The following GPC3 variants were observed in gnomAD, a reference collection of about 807,000 sequenced individuals.
GPC3 encodes the protein glypican 3, also known as glypican-3.
Under a neutral mutation model 34.4 loss-of-function variants are expected in GPC3, and 3 were observed. That is an observed-to-expected ratio of 0.09 (90% CI 0.04 to 0.23). The LOEUF (loss-of-function observed/expected upper bound fraction) is 0.23. GPC3 is among the 10% of genes least tolerant of loss of function. The pLI, the probability that GPC3 is intolerant of heterozygous loss-of-function variation, is 1.00. For missense variants in GPC3, 351 were observed against 445.6 expected (o/e 0.79, Z 1.91); for synonymous variants, 177 against 174.0 (o/e 1.02, Z -0.13).
At chrX:133,913,053 CAAA>C (rs1288887225) in intron 2 of GPC3, among the ~76,000 whole-genome samples, 1 of 34,192 alleles carries the variant, frequency 2.9e-5, no homozygotes. Flanking sequence ...GACTCCGTCT[CAAA>C]AAAAAAAAAA....
intron 6 of GPC3, among the ~76,000 whole-genome samples, chrX:133,650,925 T>C (rs968087372): frequency 8.9e-6 from 1 of 111,755 alleles, no homozygotes; most frequent in Non-Finnish European, 1.9e-5. Flanking sequence ...TAAAGCCAAG[T>C]TACTACAAAA....
chrX:133,896,404 T>C (rs1569451654), intron 2 of GPC3, among the ~76,000 whole-genome samples: 5 of 110,559 alleles, frequency 4.5e-5, no homozygotes. Flanking sequence ...AAACATCCAT[T>C]GTAGGTGGCA....
At chrX:133,852,713 C>G (rs1359084461) in intron 2 of GPC3, among the ~76,000 whole-genome samples, 1 of 111,141 alleles carries the variant, frequency 9.0e-6, no homozygotes, top group East Asian at 2.8e-4. Flanking sequence ...AGGCTTCCAA[C>G]AGCAGCACAC....
intron 4 of GPC3, among the ~76,000 whole-genome samples, chrX:133,695,760 A>G (rs1489301151): frequency 1.8e-5 from 2 of 112,611 alleles, no homozygotes; most frequent in Non-Finnish European, 3.8e-5. Context: ...TGGAGAATTT[A>G]GAAAATAAAG....
intron 2 of GPC3, among the ~76,000 whole-genome samples, chrX:133,900,883 C>G (rs2076141233): frequency 9.0e-6 from 1 of 111,497 alleles, no homozygotes; most frequent in Non-Finnish European, 1.9e-5. Flanking sequence ...GAGCACCACT[C>G]AGGGGGAACT....
chrX:133,825,825 T>C (rs957984966), intron 2 of GPC3, among the ~76,000 whole-genome samples: 7 of 111,783 alleles, frequency 6.3e-5, no homozygotes, highest in South Asian at 7.6e-4. Flanking sequence ...GTCAACTGCC[T>C]AACTGTTGAA....
Position 133,949,254 on chromosome X carries a change from T to C in GPC3, c.337+3796A>G, listed in dbSNP as rs1286355675. On this transcript the variant is annotated intron_variant, in intron 2 of 7. Coordinates refer to ENST00000370818, the MANE Select transcript of GPC3 (RefSeq NM_004484.4). ...AATATTAAGAAAAGGACAGTGAATG[T>C]AAGTTGGACTTTCCTTATTTACTTG... 2.7e-5 allele frequency among the ~76,000 whole-genome samples: 3 copies of C among 112,432 alleles called. 1 individual carries two copies. In the Middle Eastern group the frequency reaches 0.014, roughly 518 times the overall value.
intron 2 of GPC3, among the ~76,000 whole-genome samples, chrX:133,801,074 GA>G (rs1329794000): frequency 1.8e-5 from 2 of 111,769 alleles, no homozygotes; most frequent in African/African-American, 6.5e-5. Flanking sequence ...AATGAATTAG[GA>G]TATCCAAGCA....
At chrX:133,853,916 C>A (rs1020337569) in intron 2 of GPC3, among the ~76,000 whole-genome samples, 3 of 111,960 alleles carry the variant, frequency 2.7e-5, no homozygotes, top group African/African-American at 9.7e-5. Flanking sequence ...GCTACATAAC[C>A]TTAGACAAGT....
At chrX:133,950,456 C>T (rs1206149013) in intron 2 of GPC3, among the ~76,000 whole-genome samples, 1 of 111,831 alleles carries the variant, frequency 8.9e-6, no homozygotes, top group Non-Finnish European at 1.9e-5. Flanking sequence ...TGAAGGAATA[C>T]CAAAGAGATT....
intron 7 of GPC3, among the ~76,000 whole-genome samples, chrX:133,551,406 T>G (rs1274965927): frequency 1.8e-5 from 2 of 112,100 alleles, no homozygotes; most frequent in Non-Finnish European, 3.8e-5. Flanking sequence ...TAAATGTAAT[T>G]CTTTAACCTA....
intron 2 of GPC3, among the ~76,000 whole-genome samples, chrX:133,857,196 T>TGGA (rs2075907286): frequency 9.0e-6 from 1 of 111,685 alleles, no homozygotes; most frequent in Admixed American, 9.5e-5. Context: ...TTCTGACCTA[T>TGGA]TCTTCCTGTT....
chrX:133,642,117 A>G (rs1416741096), intron 6 of GPC3, among the ~76,000 whole-genome samples: 1 of 108,570 alleles, frequency 9.2e-6, no homozygotes, highest in East Asian at 2.9e-4. Flanking sequence ...CCACATATAC[A>G]TCTCTAAGGT....
At chrX:133,800,456 T>C (rs1229489517) in intron 2 of GPC3, among the ~76,000 whole-genome samples, 1 of 112,246 alleles carries the variant, frequency 8.9e-6, no homozygotes, top group Admixed American at 9.4e-5. Flanking sequence ...TCTGATTTCA[T>C]CTACTCTGTT....
intron 6 of GPC3, among the ~76,000 whole-genome samples, chrX:133,642,851 TA>T (rs2070497214): frequency 9.5e-6 from 1 of 105,567 alleles, no homozygotes; most frequent in Non-Finnish European, 2.0e-5. Context: ...TACAATGTGA[TA>T]GGTAGAGTAA....
intron 5 of GPC3, among the ~76,000 whole-genome samples, chrX:133,677,261 G>A (rs777366960): frequency 3.6e-5 from 4 of 111,466 alleles, no homozygotes; most frequent in East Asian, 2.8e-4. Context: ...CACTGCTGTC[G>A]TCAGGAGAAT....
At chrX:133,627,676 G>T (rs1360084999) in intron 6 of GPC3, among the ~76,000 whole-genome samples, 2 of 112,543 alleles carry the variant, frequency 1.8e-5, no homozygotes, top group Non-Finnish European at 3.7e-5. Context: ...TGAATTTAAA[G>T]GCTTATATGT....
chrX:133,687,677 C>T (rs766923100), intron 5 of GPC3, among the ~76,000 whole-genome samples: 5 of 111,024 alleles, frequency 4.5e-5, no homozygotes, highest in African/African-American at 1.6e-4. Flanking sequence ...CTGCCTGCCT[C>T]GGCCTCCCAG....
At chrX:133,555,842 A>T (rs1478376517) in intron 7 of GPC3, among the ~76,000 whole-genome samples, 2 of 110,534 alleles carry the variant, frequency 1.8e-5, no homozygotes, top group African/African-American at 3.3e-5. Flanking sequence ...AAAAAAATAA[A>T]AAAAAAAAGC....
Sources: gnomAD v4.1 joint callset for allele counts (sites outside exome capture counted in the v4.1 genomes callset) on GRCh38, gnomAD v4.1.1 for gene constraint, MANE v1.5 for transcripts, NCBI Gene and HGNC (gene_info 2026-07-23, HGNC 2026-07-21) for gene names.